EEFSEC: variants seen among roughly 807,000 people sequenced by gnomAD.
EEFSEC encodes the protein selenocysteine-specific elongation factor.
A neutral mutation model predicts 42.1 loss-of-function variants in EEFSEC; 43 were observed. The ratio of observed to expected loss-of-function variants is 1.02; its 90% CI spans 0.80 to 1.32. The LOEUF is 1.32. EEFSEC is among the 40% of genes most tolerant of loss of function. EEFSEC has a pLI of 0.00. For missense variants in EEFSEC, 745 were observed against 803.6 expected, an observed-to-expected ratio of 0.93 and a Z score of 0.88; for synonymous variants, 354 against 339.1, an observed-to-expected ratio of 1.04 and a Z score of -0.48.
intron 4 of EEFSEC, among the ~76,000 whole-genome samples, chr3:128,322,528 A>G (rs528234127): frequency 2.6e-5 from 4 of 152,384 alleles, no homozygotes; most frequent in Admixed American, 2.6e-4. Flanking sequence ...GAGAACCTAA[A>G]GACACTAAAG....
rs143459512 is a variant in EEFSEC, at chr3:128,160,791, C to T, written c.316+6968C>T. On this transcript the variant is annotated intron_variant, in intron 1 of 6. Transcript: ENST00000254730. Reference sequence around the variant, plus strand: ...AAGCTGGCTCTAATTCCACTGTGTGCGCACACACACGCGCGCACACACACA... The same window carrying T: ...AAGCTGGCTCTAATTCCACTGTGTGTGCACACACACGCGCGCACACACACA... Among the ~76,000 whole-genome samples the T allele has an allele frequency of 4.6e-3, 706 of 152,056 alleles. 4 individuals carry two copies. The highest frequency in any genetic ancestry group is 0.015 in the African/African-American group (610 of 41,430).
Position 128,187,580 on chromosome 3 carries a change from C to T in EEFSEC, c.316+33757C>T, listed in dbSNP as rs2065478097. On this transcript the variant is annotated intron_variant, in intron 1 of 6. Coordinates refer to ENST00000254730, the MANE Select transcript of EEFSEC (RefSeq NM_021937.5). The stretch of plus-strand genomic sequence containing the variant: ...TTTTCTTTTGCAAATGTACATTTAG[C>T]ACCTGCTGAGAGCAGGACATTCTGA... Among the ~76,000 whole-genome samples the T allele has an allele frequency of 2.0e-5, 3 of 152,208 alleles. No homozygotes were observed. In the South Asian group the frequency reaches 6.2e-4, roughly 32 times the overall value.
intron 6 of EEFSEC, among the ~76,000 whole-genome samples, chr3:128,403,635 A>G (rs945598417): frequency 6.6e-6 from 1 of 152,226 alleles, no homozygotes; most frequent in African/African-American, 2.4e-5. Context: ...CCCTGGAGCC[A>G]GGCCCTCGTA....
At chr3:128,172,930 G>T (rs545330755) in intron 1 of EEFSEC, among the ~76,000 whole-genome samples, 1 of 152,254 alleles carries the variant, frequency 6.6e-6, no homozygotes, top group South Asian at 2.1e-4. Flanking sequence ...TTTTGTAATC[G>T]CAACATAAAT....
At chr3:128,351,813 A>G (rs1422858683) in intron 5 of EEFSEC, among the ~76,000 whole-genome samples, 1 of 152,232 alleles carries the variant, frequency 6.6e-6, no homozygotes, top group South Asian at 2.1e-4. Flanking sequence ...CAGTCCCTCC[A>G]GTGACTGAAG....
chr3:128,370,284 A>C (rs954595961), intron 6 of EEFSEC, among the ~76,000 whole-genome samples: 1 of 152,168 alleles, frequency 6.6e-6, no homozygotes, highest in Admixed American at 6.5e-5. Flanking sequence ...TTTGACCACT[A>C]GTGAAGGTGG....
chr3:128,366,630 C>A (rs1048151688), intron 6 of EEFSEC, among the ~76,000 whole-genome samples: 1 of 152,350 alleles, frequency 6.6e-6, no homozygotes, highest in African/African-American at 2.4e-5. Context: ...GCTAGCTCTT[C>A]TTTACCAAGC....
chr3:128,414,250 AC>A, the EEFSEC span, among the ~76,000 whole-genome samples: 1 of 151,854 alleles, frequency 6.6e-6, no homozygotes, highest in African/African-American at 2.4e-5. Flanking sequence ...CTACAAGTGG[AC>A]CCCGGGGCTC....
intron 1 of EEFSEC, among the ~76,000 whole-genome samples, chr3:128,214,456 G>A (rs190813768): frequency 1.4e-4 from 22 of 152,162 alleles, no homozygotes; most frequent in Non-Finnish European, 2.5e-4. Flanking sequence ...CTTTAATTTT[G>A]TATTATAATT....
downstream of EEFSEC, among the ~76,000 whole-genome samples, chr3:128,410,599 C>T (rs535813718): frequency 1.5e-3 from 224 of 152,268 alleles, no homozygotes; most frequent in Non-Finnish European, 2.2e-3. Flanking sequence ...GGGCAAGTTC[C>T]CTAACCTCAT....
At chr3:128,399,103 T>A (rs200041035) in intron 6 of EEFSEC, among the ~76,000 whole-genome samples, 1 of 120,136 alleles carries the variant, frequency 8.3e-6, no homozygotes, top group Admixed American at 8.3e-5. Context: ...AATAAATAAA[T>A]AAAATAAAAA....
intron 2 of EEFSEC, among the ~76,000 whole-genome samples, chr3:128,250,911 G>GTGT (rs1553747269): frequency 4.6e-5 from 5 of 108,576 alleles, no homozygotes; most frequent in South Asian, 3.2e-4. Flanking sequence ...GTTTTTTTTG[G>GTGT]TTTTTTTTTT....
At chr3:128,406,875 T>C (rs60672471) in intron 6 of EEFSEC, among the ~76,000 whole-genome samples, 24,411 of 151,186 alleles carry the variant, frequency 0.16, 2,400 homozygotes, top group East Asian at 0.35. Context: ...TATATATACA[T>C]ACATATATAT....
At chr3:128,401,116 C>A (rs1028592677) in intron 6 of EEFSEC, among the ~76,000 whole-genome samples, 3 of 152,154 alleles carry the variant, frequency 2.0e-5, no homozygotes, top group African/African-American at 7.2e-5. Flanking sequence ...CCTAGCCCAC[C>A]CTGCCAGGTA....
At chr3:128,267,030 A>C (rs2066361460) in intron 4 of EEFSEC, among the ~76,000 whole-genome samples, 1 of 152,182 alleles carries the variant, frequency 6.6e-6, no homozygotes, top group African/African-American at 2.4e-5. Flanking sequence ...ACATGCTTGC[A>C]GCTTGGGAGA....
At chr3:128,247,208 A>G (rs2066137423) in intron 2 of EEFSEC, among the ~76,000 whole-genome samples, 165 bp downstream of exon 2, 1 of 152,214 alleles carries the variant, frequency 6.6e-6, no homozygotes, top group Non-Finnish European at 1.5e-5. Context: ...TAAATGAGGT[A>G]AAGGCTAACG....
At chr3:128,157,571 C>T (rs551201906) in intron 1 of EEFSEC, among the ~76,000 whole-genome samples, 3 of 152,268 alleles carry the variant, frequency 2.0e-5, no homozygotes, top group East Asian at 1.9e-4. Context: ...ATCCTAGGGC[C>T]CTTAAGAATT....
intron 1 of EEFSEC, among the ~76,000 whole-genome samples, chr3:128,223,244 C>T (rs2065877963): frequency 6.6e-6 from 1 of 152,168 alleles, no homozygotes; most frequent in African/African-American, 2.4e-5. Flanking sequence ...TAGGGCCCTC[C>T]CAGGCTTCAC....
At chr3:128,374,666 A>G (rs1473046998) in intron 6 of EEFSEC, among the ~76,000 whole-genome samples, 2 of 151,388 alleles carry the variant, frequency 1.3e-5, no homozygotes, top group Non-Finnish European at 2.9e-5. Context: ...CAGTGATCAA[A>G]GTTAGAAATT....
Sources: gnomAD v4.1 joint callset for allele counts (sites outside exome capture counted in the v4.1 genomes callset) on GRCh38, gnomAD v4.1.1 for gene constraint, MANE v1.5 for transcripts, NCBI Gene and HGNC (gene_info 2026-07-23, HGNC 2026-07-21) for gene names.